GRIK1: variants seen among roughly 807,000 people sequenced by gnomAD.
The protein encoded by GRIK1 is glutamate receptor ionotropic, kainate 1.
In GRIK1, 69 loss-of-function variants were observed where a neutral mutation model predicts 105.7. That is an observed-to-expected ratio of 0.65 (90% CI 0.54 to 0.80). The LOEUF is 0.80. Ranked by LOEUF, GRIK1 falls within the 30% of genes least tolerant of loss-of-function variation. The pLI is 0.00. For missense variants in GRIK1, 1,109 were observed against 1,167.3 expected (o/e 0.95, Z 0.73); for synonymous variants, 438 against 431.3 (o/e 1.02, Z -0.19).
chr21:29,901,089 A>G (rs137891338), intron 1 of GRIK1, among the ~76,000 whole-genome samples: 1,572 of 152,322 alleles, frequency 0.01, 27 homozygotes, highest in African/African-American at 0.036. Context: ...TTTGAAACCA[A>G]TGAGAACAAA....
intron 1 of GRIK1, among the ~76,000 whole-genome samples, chr21:29,905,040 T>G (rs573689360): frequency 6.6e-6 from 1 of 152,298 alleles, no homozygotes; most frequent in African/African-American, 2.4e-5. Flanking sequence ...CTCATGATCC[T>G]AGGCAGTGTG....
intron 4 of GRIK1, among the ~76,000 whole-genome samples, chr21:29,670,141 T>G (rs1056400509): frequency 6.6e-6 from 1 of 152,188 alleles, no homozygotes; most frequent in Non-Finnish European, 1.5e-5. Flanking sequence ...TAAAAAAGGG[T>G]TCTTATCTCC....
At chr21:29,584,319 C>T (rs1025643601) in intron 12 of GRIK1, among the ~76,000 whole-genome samples, 1 of 151,296 alleles carries the variant, frequency 6.6e-6, no homozygotes, top group Non-Finnish European at 1.5e-5. Flanking sequence ...TTTTTTTTTG[C>T]CAAATGCCAA....
chr21:29,934,017 T>C (rs1438829310), intron 1 of GRIK1, among the ~76,000 whole-genome samples: 1 of 152,220 alleles, frequency 6.6e-6, no homozygotes, highest in Non-Finnish European at 1.5e-5. Flanking sequence ...CTATGTTATA[T>C]GGATAATTAT....
Position 29,807,435 on chromosome 21 carries a change from T to G in GRIK1, c.119-113372A>C, listed in dbSNP as rs530550896. On this transcript the variant is annotated intron_variant, in intron 1 of 17. Coordinates refer to ENST00000327783, the MANE Select transcript of GRIK1 (RefSeq NM_001330994.2). ...GAGGACGGTCATTCTGGAGGAGGCTTACATGCTACATTCTTCCTCTTACAG... is the reference window on the plus strand; with the variant it reads ...GAGGACGGTCATTCTGGAGGAGGCTGACATGCTACATTCTTCCTCTTACAG... 1.9e-4 allele frequency among the ~76,000 whole-genome samples: 29 copies of G among 152,044 alleles called. 1 individual carries two copies. Among genetic ancestry groups the G allele is most frequent in the Non-Finnish European group, 1.6e-4 (11 of 67,986 alleles).
intron 1 of GRIK1, among the ~76,000 whole-genome samples, chr21:29,895,609 T>G (rs933128612): frequency 6.6e-6 from 1 of 152,124 alleles, no homozygotes; most frequent in African/African-American, 2.4e-5. Flanking sequence ...TCTTGCCACA[T>G]CCTCCCAGAT....
At chr21:29,559,118 G>C (rs867809280) in intron 15 of GRIK1, among the ~76,000 whole-genome samples, 1 of 152,070 alleles carries the variant, frequency 6.6e-6, no homozygotes, top group Non-Finnish European at 1.5e-5. Context: ...TTATAATTTA[G>C]TCTAGAGATG....
chr21:29,716,855 G>A (rs2064190640), intron 1 of GRIK1, among the ~76,000 whole-genome samples: 1 of 152,222 alleles, frequency 6.6e-6, no homozygotes, highest in African/African-American at 2.4e-5. Flanking sequence ...CAAGACAATG[G>A]GGAAAATGCC....
intron 9 of GRIK1, among the ~76,000 whole-genome samples, chr21:29,595,589 G>A (rs950201659): frequency 6.6e-6 from 1 of 152,104 alleles, no homozygotes; most frequent in African/African-American, 2.4e-5. Context: ...CACTTTCTGT[G>A]ACATAGCTGA....
rs180985370 is a variant in GRIK1 at position 29,599,081 on chromosome 21, C to T, written c.1099-144G>A. On this transcript the variant is annotated intron_variant, in intron 7 of 17. Coordinates refer to ENST00000327783, the MANE Select transcript of GRIK1 (RefSeq NM_001330994.2). The stretch of plus-strand genomic sequence containing the variant: ...GTTATAAACCATTGCATTGGTTCAG[C>T]GACAAGATAGCAGAACACATCGTCT... 5.4e-4 allele frequency: 286 copies of T among 527,874 alleles called. 1 individual carries two copies. The highest frequency in any genetic ancestry group is 8.5e-4 in the Non-Finnish European group (255 of 299,630). The allele number at this position is 527,874 out of a possible 1,614,324, so 32.7% of individuals were successfully genotyped here.
chr21:29,619,111 G>C (rs1288308417), intron 7 of GRIK1, among the ~76,000 whole-genome samples: 5 of 129,046 alleles, frequency 3.9e-5, no homozygotes, highest in Non-Finnish European at 7.9e-5. Context: ...GGGCAACAGA[G>C]CGAGACTCCG....
At chr21:29,933,573 T>C (rs1034139878) in intron 1 of GRIK1, among the ~76,000 whole-genome samples, 2 of 152,110 alleles carry the variant, frequency 1.3e-5, no homozygotes, top group African/African-American at 4.8e-5. Context: ...CTTGCTCAAA[T>C]AGGTAATTGT....
chr21:29,767,831 TTTGTG>T lies in GRIK1; in HGVS notation c.119-73773_119-73769del, dbSNP rs1569069491. 2.7e-3 allele frequency among the ~76,000 whole-genome samples: 406 copies of T among 151,764 alleles called. 2 individuals carry two copies. Among genetic ancestry groups the T allele is most frequent in the African/African-American group, 9.2e-3 (378 of 41,246 alleles). ...GTATGTATGTGTGTGTGTGTGTGTG[TTTGTG>T]TGTGTGTGTTCTCCTCAGCTGAAAT... On this transcript the variant is annotated intron_variant, in intron 1 of 17. Coordinates refer to ENST00000327783, the MANE Select transcript of GRIK1 (RefSeq NM_001330994.2).
intron 1 of GRIK1, among the ~76,000 whole-genome samples, chr21:29,913,542 G>A (rs571126958): frequency 1.3e-4 from 20 of 151,802 alleles, no homozygotes; most frequent in Non-Finnish European, 2.5e-4. Flanking sequence ...TTATGCTTAA[G>A]CATGATAAAA....
At chr21:29,724,671 G>T (rs1173935245) in intron 1 of GRIK1, among the ~76,000 whole-genome samples, 1 of 152,134 alleles carries the variant, frequency 6.6e-6, no homozygotes, top group Non-Finnish European at 1.5e-5. Context: ...AAGATACTTA[G>T]CTCACAGTGA....
At chr21:29,837,196 T>C in intron 1 of GRIK1, among the ~76,000 whole-genome samples, 1 of 152,190 alleles carries the variant, frequency 6.6e-6, no homozygotes, top group East Asian at 1.9e-4. Flanking sequence ...TTTTCTGGTA[T>C]CTCTCTCTCC....
At chr21:29,733,286 A>C (rs1425092764) in intron 1 of GRIK1, among the ~76,000 whole-genome samples, 1 of 152,142 alleles carries the variant, frequency 6.6e-6, no homozygotes, top group Non-Finnish European at 1.5e-5. Flanking sequence ...TTTATATATA[A>C]ATTTTACTGA....
chr21:29,572,121 C>G (rs867450251), intron 14 of GRIK1, among the ~76,000 whole-genome samples: 11 of 152,160 alleles, frequency 7.2e-5, no homozygotes, highest in Non-Finnish European at 1.2e-4. Flanking sequence ...ACTGTACCTG[C>G]TGTCACTCAG....
At chr21:29,789,151 A>G (rs994035775) in intron 1 of GRIK1, among the ~76,000 whole-genome samples, 1 of 152,224 alleles carries the variant, frequency 6.6e-6, no homozygotes, top group Non-Finnish European at 1.5e-5. Flanking sequence ...TCTTTGTCTT[A>G]TTAGAAATGG....
Sources: gnomAD v4.1 joint callset for allele counts (sites outside exome capture counted in the v4.1 genomes callset) on GRCh38, gnomAD v4.1.1 for gene constraint, MANE v1.5 for transcripts, NCBI Gene and HGNC (gene_info 2026-07-23, HGNC 2026-07-21) for gene names.